HIVEP3: variants seen among roughly 807,000 people sequenced by gnomAD.
HIVEP3 encodes the protein HIVEP zinc finger 3, also known as transcription factor HIVEP3.
In HIVEP3, 49 loss-of-function variants were observed where a neutral mutation model predicts 152.8. The ratio of observed to expected loss-of-function variants is 0.32; its 90% CI spans 0.26 to 0.41. HIVEP3 has a LOEUF of 0.41. Ranked by LOEUF, HIVEP3 falls within the 10% of genes least tolerant of loss-of-function variation. The pLI is 1.00. For synonymous variants in HIVEP3, 1,269 were observed against 1,289.0 expected, an observed-to-expected ratio of 0.98 and a Z score of 0.33; for missense variants, 2,790 against 3,103.3, an observed-to-expected ratio of 0.90 and a Z score of 2.40.
At chr1:41,545,261 CACTACCACCACCATCACT>C (rs1643727756) in intron 5 of HIVEP3, among the ~76,000 whole-genome samples, 1 of 144,698 alleles carries the variant, frequency 6.9e-6, no homozygotes, top group Non-Finnish European at 1.5e-5. Context: ...CCACTACCAC[CACTACCACCACCATCACT>C]ACCACCACCA....
At chr1:41,652,554 C>A (rs1244819792) in intron 2 of HIVEP3, among the ~76,000 whole-genome samples, 4 of 152,252 alleles carry the variant, frequency 2.6e-5, no homozygotes. Flanking sequence ...AAAGAGCAGG[C>A]CAGGCAGTCT....
In HIVEP3 at chr1:41,513,646, G is replaced by GGTCTGA; in HGVS notation, c.5569_5574dup (p.Ser1857_Asp1858dup). 1 of 1,613,898 alleles carries GGTCTGA rather than the reference G, an allele frequency of 6.2e-7. No homozygotes were observed. The highest frequency in any genetic ancestry group is 8.5e-7 in the Non-Finnish European group (1 of 1,179,998). ...TCATCCTCATCCTCGTCTTCGTCCA[G>GGTCTGA]GTCTGAGTCTGAGTCCGAGTCCTCC... is the stretch of plus-strand genomic sequence containing the variant. On this transcript the variant is annotated inframe_insertion, in exon 8 of 9. Transcript: ENST00000372583.
chr1:41,777,807 G>A (rs971947440), intron 1 of HIVEP3, among the ~76,000 whole-genome samples: 3 of 152,194 alleles, frequency 2.0e-5, no homozygotes, highest in Non-Finnish European at 4.4e-5. Context: ...CATTTAATCC[G>A]CACAGTAGTC....
At chr1:41,576,287 A>G (rs560128171) in intron 4 of HIVEP3, among the ~76,000 whole-genome samples, 24 of 152,198 alleles carry the variant, frequency 1.6e-4, no homozygotes, top group African/African-American at 4.8e-4. Context: ...GACGTCCCCA[A>G]TTCCACCATA....
intron 1 of HIVEP3, among the ~76,000 whole-genome samples, chr1:41,956,192 T>C (rs11210554): frequency 0.015 from 2,339 of 152,320 alleles, 59 homozygotes; most frequent in African/African-American, 0.054. Flanking sequence ...TCATACTGGA[T>C]TTTCACTCTT....
At chr1:41,823,891 C>T (rs891219352) in intron 1 of HIVEP3, among the ~76,000 whole-genome samples, 2 of 152,158 alleles carry the variant, frequency 1.3e-5, no homozygotes, top group African/African-American at 4.8e-5. Context: ...GACACAAAAG[C>T]ACTGAAACCA....
At chr1:41,880,852 CA>C (rs1644249388) in intron 1 of HIVEP3, among the ~76,000 whole-genome samples, 1 of 152,120 alleles carries the variant, frequency 6.6e-6, no homozygotes, top group Non-Finnish European at 1.5e-5. Flanking sequence ...TGATAGGCTT[CA>C]AAAGGTTGCG....
intron 2 of HIVEP3, among the ~76,000 whole-genome samples, chr1:41,649,578 A>G (rs761776871): frequency 4.3e-4 from 66 of 152,236 alleles, no homozygotes; most frequent in Non-Finnish European, 8.5e-4. Flanking sequence ...TATGAAATCT[A>G]AATGATGGGA....
Position 41,584,743 on chromosome 1 carries a change from T to G in HIVEP3, c.55A>C (p.Lys19Gln), listed in dbSNP as rs1340633141. Residue 19 changes from lysine (K) to glutamine (Q), a missense_variant, in exon 4 of 9, where the codon AAG becomes CAG. By Grantham distance (53) the Lys-to-Gln change is moderately conservative. Transcript: ENST00000372583. The surrounding 1 kb of genome is among the most constrained non-coding windows in gnomAD (Gnocchi z 5.2). ...GTKKAEGSPRKRLTKGEAIQT... is the reference protein window; with the variant it reads ...GTKKAEGSPRQRLTKGEAIQT... ...ATGGCCTCTCCTTTGGTCAGCCGCT[T>G]CCGGGGACTTCCCTCAGCCTTCTTG... is the stretch of plus-strand genomic sequence containing the variant. The G allele has an allele frequency of 6.6e-6, 10 of 1,521,472 alleles. No homozygotes were observed. Among genetic ancestry groups the G allele is most frequent in the Non-Finnish European group, 8.8e-6 (10 of 1,136,866 alleles). The allele number at this position is 1,521,472 out of a possible 1,614,324, so 94.2% of individuals were successfully genotyped here.
chr1:41,686,865 A>C (rs569970208), intron 2 of HIVEP3, among the ~76,000 whole-genome samples: 2 of 152,366 alleles, frequency 1.3e-5, no homozygotes, highest in East Asian at 3.9e-4. Context: ...GGAGCATGGT[A>C]AGAATGGATT....
At chr1:41,567,673 A>G (rs1194901284) in intron 5 of HIVEP3, among the ~76,000 whole-genome samples, 1 of 152,202 alleles carries the variant, frequency 6.6e-6, no homozygotes, top group Non-Finnish European at 1.5e-5. Flanking sequence ...CTAGAACACA[A>G]AGGGCTCTGC....
chr1:42,012,795 C>A (rs1645500877), intron 1 of HIVEP3, among the ~76,000 whole-genome samples: 2 of 152,178 alleles, frequency 1.3e-5, no homozygotes, highest in African/African-American at 4.8e-5. Context: ...AGAGGGCCCT[C>A]ACCAGAACCC....
At chr1:41,586,175 G>A (rs540545486) in intron 3 of HIVEP3, among the ~76,000 whole-genome samples, 9 of 152,350 alleles carry the variant, frequency 5.9e-5, no homozygotes, top group African/African-American at 2.2e-4. Flanking sequence ...TTGCCCTCAA[G>A]TGGAGGAGCA....
chr1:41,714,502 G>A (rs892518718), intron 1 of HIVEP3, among the ~76,000 whole-genome samples: 22 of 152,204 alleles, frequency 1.4e-4, no homozygotes, highest in African/African-American at 4.6e-4. Context: ...AGGACAGCAG[G>A]GGGGATGAGG....
intron 2 of HIVEP3, among the ~76,000 whole-genome samples, chr1:41,647,743 T>C (rs1192635048): frequency 6.6e-6 from 1 of 152,254 alleles, no homozygotes; most frequent in Non-Finnish European, 1.5e-5. Context: ...TCAGCCTCAC[T>C]GCCTCTGAGC....
At chr1:41,838,838 C>T (rs578026162) in intron 1 of HIVEP3, among the ~76,000 whole-genome samples, 136 of 152,246 alleles carry the variant, frequency 8.9e-4, no homozygotes, top group African/African-American at 3.2e-3. Context: ...TTTAGGATTA[C>T]CTACGAATCT....
intron 2 of HIVEP3, among the ~76,000 whole-genome samples, chr1:41,635,590 A>AGC (rs1209508780): frequency 2.7e-5 from 1 of 36,830 alleles, no homozygotes; most frequent in Admixed American, 2.5e-4. Flanking sequence ...ATACATACAT[A>AGC]TACATACGTA....
At chr1:41,936,065 A>G (rs1645018709) in intron 1 of HIVEP3, among the ~76,000 whole-genome samples, 1 of 152,154 alleles carries the variant, frequency 6.6e-6, no homozygotes, top group African/African-American at 2.4e-5. Context: ...GCCTGCAAGT[A>G]AAAAGGAAGA....
At chr1:41,959,322 A>C (rs1645156828) in intron 1 of HIVEP3, among the ~76,000 whole-genome samples, 1 of 152,242 alleles carries the variant, frequency 6.6e-6, no homozygotes, top group Non-Finnish European at 1.5e-5. Flanking sequence ...TTCCAGGTAT[A>C]GATTTATTTT....
Sources: gnomAD v4.1 joint callset for allele counts (sites outside exome capture counted in the v4.1 genomes callset) on GRCh38, gnomAD v4.1.1 for gene constraint, Gnocchi (gnomAD v3.1) non-coding constraint, MANE v1.5 for transcripts, NCBI Gene and HGNC (gene_info 2026-07-23, HGNC 2026-07-21) for gene names.